Variants in DCHS1 observed in about 807,000 individuals in gnomAD.
The protein encoded by DCHS1 is protocadherin-16.
DCHS1 carries 78 observed loss-of-function variants against 213.9 expected under a neutral mutation model. The ratio of observed to expected loss-of-function variants is 0.36; its 90% CI spans 0.30 to 0.44. The LOEUF is 0.44. DCHS1 is among the 20% of genes least tolerant of loss of function. The pLI, the probability that DCHS1 is intolerant of heterozygous loss-of-function variation, is 1.00. For missense variants in DCHS1, 3,946 were observed against 4,395.9 expected (o/e 0.90, Z 2.89); for synonymous variants, 1,828 against 1,873.7 (o/e 0.98, Z 0.63).
chr11:6,634,097 G>T (rs745978029), intron 3 of DCHS1, 21 bp downstream of exon 3: 1 of 1,598,686 alleles, frequency 6.3e-7, no homozygotes, highest in Non-Finnish European at 8.5e-7. Context: ...ATCCCAACCT[G>T]CCCTTGGTCT....
At position 6,640,387 on chromosome 11, in the gene DCHS1, C is replaced by G; in HGVS notation, c.1227G>C (p.Glu409Asp). The change falls in exon 2 of 21, where the codon GAG becomes GAC. Residue 409 changes from glutamate (E) to aspartate (D), a missense_variant. This residue lies in a region of DCHS1 where 3,384 missense variants were observed against 3,780.1 expected (regional missense o/e 0.90). Transcript: ENST00000299441. This position sits in a 1 kb window ranked among gnomAD's most constrained non-coding sequence, Gnocchi z 6.5. Reference protein sequence around the residue: ...AHVNVSLEGGEGHFALSTQDS... With the variant: ...AHVNVSLEGGDGHFALSTQDS... ...CTTGGGTGCTTAGGGCAAAGTGGCCCTCTCCACCTTCCAGGGACACATTGA... is the reference window on the plus strand; with the variant it reads ...CTTGGGTGCTTAGGGCAAAGTGGCCGTCTCCACCTTCCAGGGACACATTGA... 1.9e-6 allele frequency: 3 copies of G among 1,613,828 alleles called. No homozygotes were observed. The highest frequency in any genetic ancestry group is 2.5e-6 in the Non-Finnish European group (3 of 1,179,792).
In DCHS1 at chr11:6,624,764, G is replaced by A; in HGVS notation, c.7251C>T (p.Ser2417=). ...GGTCAACACTGAAGCCATCGGCAGG[G>A]GAAGCCAGGTGGTAGGAAATGTGAC... ...ANGHISYHLA[S]PADGFSVDPN... Residue 2417 remains serine, a synonymous_variant, in exon 20 of 21, where the codon TCC becomes TCT. Transcript: ENST00000299441. 6.2e-7 allele frequency: 1 copy of A among 1,613,926 alleles called. No homozygotes were observed. Among genetic ancestry groups the A allele is most frequent in the Non-Finnish European group, 8.5e-7 (1 of 1,179,858 alleles).
In DCHS1 at chr11:6,624,260, C is replaced by T. The variant is rs1260564067; in HGVS notation, c.7416G>A (p.Leu2472=). The change falls in exon 21 of 21, where the codon CTG becomes CTA. Residue 2472 remains leucine, a synonymous_variant. Coordinates refer to ENST00000299441, the MANE Select transcript of DCHS1 (RefSeq NM_003737.4). ...RAARATVHVQ[L]QDQNDHAPSF... The stretch of plus-strand genomic sequence containing the variant: ...TCGGGGCGTGGTCGTTCTGGTCCTG[C>T]AGCTGCACGTGCACTGTGGCTCGTG... The T allele has an allele frequency of 6.2e-7, 1 of 1,611,656 alleles. No individual in the cohort carries two copies. Among genetic ancestry groups the T allele is most frequent in the Admixed American group, 1.7e-5 (1 of 59,726 alleles).
chr11:6,625,819 G>A lies in DCHS1; in HGVS notation c.6732-92C>T. The A allele has an allele frequency of 6.3e-7, 1 of 1,579,824 alleles. No homozygotes were observed. Among genetic ancestry groups the A allele is most frequent in the Non-Finnish European group, 8.6e-7 (1 of 1,161,832 alleles). ...GGACTCAGGACAGAGCTTAGGGCTG[G>A]GGAATTCAGGATGTGGCCAAGGGAC... On this transcript the variant is annotated intron_variant, in intron 17 of 20. Coordinates refer to ENST00000299441, the MANE Select transcript of DCHS1 (RefSeq NM_003737.4). This position sits in a 1 kb window ranked among gnomAD's most constrained non-coding sequence, Gnocchi z 5.3.
chr11:6,634,262 G>A lies in DCHS1; in HGVS notation c.1842C>T (p.Ser614=). ...ACCCAAGTCCAGCACCCAAGGAATA[G>A]GAGAGGAGGCCAAATGGGCCACTAT... is the stretch of plus-strand genomic sequence containing the variant. ...DADSGPFGLL[S]YSLGAGLGSS... is the part of the protein sequence containing the mutation. The change falls in exon 3 of 21, where the codon TCC becomes TCT. Residue 614 remains serine (S), a synonymous_variant. Coordinates refer to ENST00000299441, the MANE Select transcript of DCHS1 (RefSeq NM_003737.4). 2 of 1,612,948 alleles carry A rather than the reference G, an allele frequency of 1.2e-6. No homozygotes were observed. Among genetic ancestry groups the A allele is most frequent in the Non-Finnish European group, 1.7e-6 (2 of 1,179,332 alleles).
intron 1 of DCHS1, among the ~76,000 whole-genome samples, chr11:6,644,631 T>C (rs935779063): frequency 3.9e-5 from 6 of 152,184 alleles, no homozygotes; most frequent in African/African-American, 1.4e-4. Context: ...CAGTGACAGG[T>C]CTTGGTTAGC....
chr11:6,631,249 G>A (rs903913932), intron 8 of DCHS1, 39 bp from the exon 9 acceptor site: 2 of 1,613,482 alleles, frequency 1.2e-6, no homozygotes, highest in Non-Finnish European at 1.7e-6. Flanking sequence ...TTGGGGCCCA[G>A]AGCTGGGCAG....
intron 1 of DCHS1, among the ~76,000 whole-genome samples, chr11:6,643,036 C>T (rs998859307): frequency 6.6e-6 from 1 of 152,138 alleles, no homozygotes; most frequent in African/African-American, 2.4e-5. Flanking sequence ...ATGATGCGCA[C>T]ATTTCTGACC....
rs755019404 is a variant in DCHS1 at position 6,634,318 on chromosome 11, C to T, written c.1798-12G>A. 1.3e-6 allele frequency: 2 copies of T among 1,575,740 alleles called. No individual in the cohort carries two copies. The highest frequency in any genetic ancestry group is 1.7e-6 in the Non-Finnish European group (2 of 1,158,144). ...TCTGTGGCTGTCACCTAGGGAGAGG[C>T]TGGGGTGAGTGGTGTCCCCTCTTCT... On this transcript the variant is annotated splice_polypyrimidine_tract_variant and intron_variant, in intron 2 of 20. Transcript: ENST00000299441.
At position 6,621,380 on chromosome 11, in the gene DCHS1, T is replaced by TGGGCAG. The variant is rs887467552; in HGVS notation, c.*393_*398dup. On this transcript the variant is annotated 3_prime_UTR_variant, in exon 21 of 21. Coordinates refer to ENST00000299441, the MANE Select transcript of DCHS1 (RefSeq NM_003737.4). ...CAGAGTGAGAAATGGCACTTGGTTC[T>TGGGCAG]GGGCAGGGGCAGGGGCAGGGGTGTC... 6 of 346,058 alleles carry TGGGCAG rather than the reference T, an allele frequency of 1.7e-5. No individual in the cohort carries two copies. Among genetic ancestry groups the TGGGCAG allele is most frequent in the African/African-American group, 6.4e-5 (3 of 47,184 alleles). The allele number at this position is 346,058 out of a possible 1,614,324, so 21.4% of individuals were successfully genotyped here.
At chr11:6,631,909 G>A in intron 6 of DCHS1, 100 bp from the exon 7 acceptor site, 1 of 1,444,650 alleles carries the variant, frequency 6.9e-7, no homozygotes, top group East Asian at 2.4e-5. Context: ...GGGAGGGAAT[G>A]CCAGGGCTAA....
chr11:6,654,199 G>A (rs1488638623), intron 1 of DCHS1, among the ~76,000 whole-genome samples: 1 of 152,178 alleles, frequency 6.6e-6, no homozygotes, highest in African/African-American at 2.4e-5. Context: ...AGGTCTTCCT[G>A]TGGTGTGCAT....
chr11:6,654,305 C>T (rs1275715188), intron 1 of DCHS1, among the ~76,000 whole-genome samples: 3 of 152,040 alleles, frequency 2.0e-5, no homozygotes, highest in Admixed American at 6.5e-5. Context: ...TCTAGGACAC[C>T]CACTATGTAT....
At position 6,639,800 on chromosome 11, in the gene DCHS1, G is replaced by T; in HGVS notation, c.1797+17C>A. 1 of 1,569,240 alleles carries T rather than the reference G, an allele frequency of 6.4e-7. No individual in the cohort carries two copies. Among genetic ancestry groups the T allele is most frequent in the Non-Finnish European group, 8.7e-7 (1 of 1,153,036 alleles). On this transcript the variant is annotated intron_variant, in intron 2 of 20. Transcript: ENST00000299441. ...GATTCCCCCAACACTATCTTGCTAT[G>T]TGCCAGGCCTACCCACCTGCAGGAA...
At chr11:6,649,483 G>T (rs752022827) in intron 1 of DCHS1, among the ~76,000 whole-genome samples, 2 of 151,832 alleles carry the variant, frequency 1.3e-5, no homozygotes, top group Non-Finnish European at 2.9e-5. Context: ...GAGGATGACT[G>T]GAGGCCTCCA....
chr11:6,652,493 A>G (rs1041582690), intron 1 of DCHS1, among the ~76,000 whole-genome samples: 1 of 152,190 alleles, frequency 6.6e-6, no homozygotes, highest in African/African-American at 2.4e-5. Flanking sequence ...GAAAGATAGG[A>G]GAGGCTGGAG....
At chr11:6,624,637 A>G (rs1589953170) in intron 20 of DCHS1, 93 bp downstream of exon 20, 1 of 1,558,488 alleles carries the variant, frequency 6.4e-7, no homozygotes, top group South Asian at 1.2e-5. Flanking sequence ...GAGATCCAGG[A>G]GTTAAAGAGT....
intron 1 of DCHS1, among the ~76,000 whole-genome samples, chr11:6,654,505 G>C (rs1316431122): frequency 6.6e-6 from 1 of 152,136 alleles, no homozygotes; most frequent in Non-Finnish European, 1.5e-5. Context: ...CCTTGACAAT[G>C]AACCGGTGGG....
intron 1 of DCHS1, among the ~76,000 whole-genome samples, chr11:6,642,732 C>T (rs1293480855): frequency 6.6e-6 from 1 of 151,896 alleles, no homozygotes; most frequent in Non-Finnish European, 1.5e-5. Context: ...TTGACATTAT[C>T]CTAAAGGCAA....
Sources: allele counts gnomAD v4.1 joint callset (sites outside exome capture counted in the v4.1 genomes callset), GRCh38; gene constraint gnomAD v4.1.1; regional missense constraint gnomAD v4.1.1; non-coding constraint Gnocchi (gnomAD v3.1); transcripts MANE v1.5; gene names NCBI Gene and HGNC (gene_info 2026-07-23, HGNC 2026-07-21).